Variants in ADAM23 observed in about 807,000 individuals in gnomAD.
ADAM23 encodes the protein disintegrin and metalloproteinase domain-containing protein 23.
Under a neutral mutation model 120.1 loss-of-function variants are expected in ADAM23, and 33 were observed. That is an observed-to-expected ratio of 0.27 (90% CI 0.21 to 0.37). The LOEUF is 0.37. ADAM23 is among the 10% of genes least tolerant of loss of function. The probability of loss-of-function intolerance (pLI) is 1.00; values close to 1 mark genes in which losing one functional copy is unlikely to be tolerated. For missense variants in ADAM23, 862 were observed against 1,058.2 expected, an observed-to-expected ratio of 0.81 and a Z score of 2.57; for synonymous variants, 367 against 375.2, an observed-to-expected ratio of 0.98 and a Z score of 0.25.
At chr2:206,450,157 C>T (rs1425805179) in intron 2 of ADAM23, among the ~76,000 whole-genome samples, 2 of 152,036 alleles carry the variant, frequency 1.3e-5, no homozygotes, top group African/African-American at 4.8e-5. Flanking sequence ...TGTTAGCACA[C>T]GTTTTTACAA....
At chr2:206,458,114 G>T (rs1034293290) in intron 2 of ADAM23, among the ~76,000 whole-genome samples, 1 of 147,754 alleles carries the variant, frequency 6.8e-6, no homozygotes, top group African/African-American at 2.5e-5. Flanking sequence ...CTCTCTTCTG[G>T]AGGAAGAATG....
intron 3 of ADAM23, among the ~76,000 whole-genome samples, chr2:206,524,187 G>T (rs756004753): frequency 1.3e-5 from 2 of 152,142 alleles, no homozygotes; most frequent in Admixed American, 6.5e-5. Flanking sequence ...TTTTTCTACT[G>T]TTTGTTTAAC....
chr2:206,572,930 G>C (rs145967360), intron 17 of ADAM23, among the ~76,000 whole-genome samples, 185 bp from the exon 18 acceptor site: 334 of 152,284 alleles, frequency 2.2e-3, no homozygotes, highest in Middle Eastern at 0.01. Flanking sequence ...TTCATCTTTA[G>C]TGTAGAGGGT....
At chr2:206,444,848 A>G (rs576018475) in intron 1 of ADAM23, among the ~76,000 whole-genome samples, 2 of 152,344 alleles carry the variant, frequency 1.3e-5, no homozygotes, top group African/African-American at 2.4e-5. Flanking sequence ...TCAGTACTCA[A>G]GTTATCTTAG....
In ADAM23 at chr2:206,609,935, A is replaced by C; in HGVS notation, c.2385A>C (p.Ile795=). ...PKGPSATNLI[I]GSIAGAILVA... Reference sequence around the variant, plus strand: ...GTCCTAGTGCCACCAATCTCATAATAGGCTCCATCGCTGGTGCCATCCTGG... The same window carrying C: ...GTCCTAGTGCCACCAATCTCATAATCGGCTCCATCGCTGGTGCCATCCTGG... The change falls in exon 25 of 26, where the codon ATA becomes ATC. Residue 795 remains isoleucine (I), a synonymous_variant. Coordinates refer to ENST00000264377, the MANE Select transcript of ADAM23 (RefSeq NM_003812.4). The C allele has an allele frequency of 6.2e-7, 1 of 1,600,948 alleles. No homozygotes were observed. Among genetic ancestry groups the C allele is most frequent in the Non-Finnish European group, 8.5e-7 (1 of 1,175,672 alleles).
chr2:206,444,675 T>A (rs1349588836), intron 1 of ADAM23, among the ~76,000 whole-genome samples: 4 of 152,224 alleles, frequency 2.6e-5, no homozygotes, highest in Non-Finnish European at 5.9e-5. Flanking sequence ...TGGAAGTCAC[T>A]GAAAGCAGAA....
At chr2:206,470,365 C>T (rs1320367359) in intron 2 of ADAM23, among the ~76,000 whole-genome samples, 2 of 152,002 alleles carry the variant, frequency 1.3e-5, no homozygotes, top group Non-Finnish European at 2.9e-5. Flanking sequence ...GTGGTGAGAC[C>T]TATCATTTGC....
chr2:206,508,084 C>T (rs1268464894), intron 3 of ADAM23, among the ~76,000 whole-genome samples: 1 of 152,044 alleles, frequency 6.6e-6, no homozygotes, highest in Non-Finnish European at 1.5e-5. Context: ...GGCTGGAGTG[C>T]AGTGGCGCAA....
At chr2:206,573,623 G>T (rs1418633391) in intron 18 of ADAM23, among the ~76,000 whole-genome samples, 1 of 148,510 alleles carries the variant, frequency 6.7e-6, no homozygotes, top group East Asian at 2.0e-4. Flanking sequence ...TTACTTAACA[G>T]TAAAAAAAAA....
At chr2:206,509,090 T>C (rs1696567276) in intron 3 of ADAM23, among the ~76,000 whole-genome samples, 1 of 152,252 alleles carries the variant, frequency 6.6e-6, no homozygotes, top group African/African-American at 2.4e-5. Context: ...TTAGTTTCTT[T>C]TTCATTGTCA....
intron 3 of ADAM23, among the ~76,000 whole-genome samples, chr2:206,523,628 AT>A (rs528224245): frequency 1.3e-4 from 19 of 150,008 alleles, no homozygotes; most frequent in Admixed American, 3.3e-4. Context: ...GTATGAGTCT[AT>A]TTTTTTTTTA....
intron 21 of ADAM23, among the ~76,000 whole-genome samples, chr2:206,592,131 G>A (rs1030145142): frequency 7.2e-5 from 11 of 152,144 alleles, no homozygotes; most frequent in African/African-American, 2.7e-4. Context: ...CTTATGCTTT[G>A]TGAACTCATG....
chr2:206,489,518 A>T (rs1238578544), intron 3 of ADAM23, among the ~76,000 whole-genome samples: 1 of 152,120 alleles, frequency 6.6e-6, no homozygotes, highest in Admixed American at 6.6e-5. Flanking sequence ...TGCTAACTCG[A>T]AGGTTAAATG....
Position 206,618,510 on chromosome 2 carries a change from CTG to C in ADAM23, c.*885_*886del, listed in dbSNP as rs963796871. ...GAGATATTTTCCTTGTAAAGGTTCTCTGTAAACTTGAGTTGATTTTTTGCTCC... is the reference window on the plus strand; with the variant it reads ...GAGATATTTTCCTTGTAAAGGTTCTCTAAACTTGAGTTGATTTTTTGCTCC... On this transcript the variant is annotated 3_prime_UTR_variant, in exon 26 of 26. Coordinates refer to ENST00000264377, the MANE Select transcript of ADAM23 (RefSeq NM_003812.4). 4.6e-5 allele frequency: 7 copies of C among 152,216 alleles called. No homozygotes were observed. The highest frequency in any genetic ancestry group is 8.8e-5 in the Non-Finnish European group (6 of 68,042). 9.4% of individuals were successfully genotyped at this position (152,216 alleles called of 1,614,324 possible).
chr2:206,607,420 A>G (rs1338414969), intron 24 of ADAM23, among the ~76,000 whole-genome samples: 2 of 152,204 alleles, frequency 1.3e-5, no homozygotes, highest in South Asian at 2.1e-4. Context: ...TCTGAAAATC[A>G]TCCCAAATGC....
chr2:206,473,028 C>T (rs771872600), intron 2 of ADAM23, among the ~76,000 whole-genome samples: 74 of 152,174 alleles, frequency 4.9e-4, no homozygotes, highest in African/African-American at 1.6e-3. Context: ...TTAACATTTT[C>T]GGGCATGTAT....
chr2:206,468,543 C>T (rs962309291), intron 2 of ADAM23, among the ~76,000 whole-genome samples: 1 of 152,188 alleles, frequency 6.6e-6, no homozygotes, highest in Non-Finnish European at 1.5e-5. Flanking sequence ...TCAGGCTGGC[C>T]ATCTCTGTTC....
At chr2:206,576,340 G>T (rs999505800) in intron 18 of ADAM23, among the ~76,000 whole-genome samples, 3 of 151,926 alleles carry the variant, frequency 2.0e-5, no homozygotes, top group Non-Finnish European at 4.4e-5. Flanking sequence ...CTCTTTAAGT[G>T]CCATAGAATT....
chr2:206,564,464 G>C (rs1697838842), intron 13 of ADAM23, among the ~76,000 whole-genome samples: 1 of 152,090 alleles, frequency 6.6e-6, no homozygotes, highest in Non-Finnish European at 1.5e-5. Flanking sequence ...CTCTAACTTC[G>C]AGCATTCTCT....
Sources: allele counts gnomAD v4.1 joint callset (sites outside exome capture counted in the v4.1 genomes callset), GRCh38; gene constraint gnomAD v4.1.1; transcripts MANE v1.5; gene names NCBI Gene and HGNC (gene_info 2026-07-23, HGNC 2026-07-21).